Variants in NAALADL2 observed in about 807,000 individuals in gnomAD.
NAALADL2 encodes the protein N-acetylated alpha-linked acidic dipeptidase like 2.
Under a neutral mutation model 87.2 loss-of-function variants are expected in NAALADL2, and 76 were observed. The observed-to-expected ratio is 0.87, with a 90% confidence interval of 0.72 to 1.05. NAALADL2 has a LOEUF of 1.05. Ranked by LOEUF, NAALADL2 falls within the 50% of genes least tolerant of loss-of-function variation. The pLI is 0.00. For missense variants in NAALADL2, 1,089 were observed against 945.8 expected (o/e 1.15, Z -1.99); for synonymous variants, 354 against 331.0 (o/e 1.07, Z -0.75).
intron 5 of NAALADL2, among the ~76,000 whole-genome samples, chr3:175,350,523 G>T (rs888904603): frequency 6.6e-6 from 1 of 152,162 alleles, no homozygotes; most frequent in African/African-American, 2.4e-5. Flanking sequence ...ATTCCAGAAG[G>T]GTAGGGGTGG....
intron 5 of NAALADL2, among the ~76,000 whole-genome samples, chr3:175,386,746 T>C (rs1193689921): frequency 6.6e-6 from 1 of 152,116 alleles, no homozygotes; most frequent in Non-Finnish European, 1.5e-5. Context: ...CTGTTCTGCC[T>C]GAGATGTGAG....
intron 11 of NAALADL2, among the ~76,000 whole-genome samples, chr3:175,729,779 T>G (rs1394757206): frequency 1.1e-5 from 1 of 88,386 alleles, no homozygotes. Context: ...TTTTTTTTTT[T>G]TTTTTCACAT....
intron 1 of NAALADL2, among the ~76,000 whole-genome samples, chr3:175,081,919 G>A (rs1461826678): frequency 6.6e-6 from 1 of 152,134 alleles, no homozygotes; most frequent in African/African-American, 2.4e-5. Flanking sequence ...ATGATTGGGA[G>A]CCATTTGTGG....
intron 11 of NAALADL2, among the ~76,000 whole-genome samples, chr3:175,634,250 T>C (rs1308871238): frequency 1.3e-5 from 2 of 151,948 alleles, no homozygotes; most frequent in African/African-American, 4.8e-5. Context: ...CCTTGGTCTC[T>C]TTGATTAATA....
intron 2 of NAALADL2, among the ~76,000 whole-genome samples, chr3:175,163,614 C>A (rs938103953): frequency 1.3e-5 from 2 of 152,000 alleles, no homozygotes; most frequent in African/African-American, 4.8e-5. Context: ...TTGTCTATTA[C>A]CATAACAACT....
intron 3 of NAALADL2, among the ~76,000 whole-genome samples, chr3:174,808,520 T>C (rs2109283068): frequency 6.6e-6 from 1 of 152,286 alleles, no homozygotes; most frequent in South Asian, 2.1e-4. Context: ...ATCATAGACA[T>C]GGTAAAATGC....
intron 1 of NAALADL2, among the ~76,000 whole-genome samples, chr3:175,033,985 G>A (rs536817043): frequency 1.0e-3 from 154 of 152,206 alleles, no homozygotes; most frequent in Admixed American, 1.8e-3. Flanking sequence ...CACTGTGTAC[G>A]GCCAAACCTA....
chr3:175,232,640 T>C (rs576345684), intron 2 of NAALADL2, among the ~76,000 whole-genome samples: 2 of 152,320 alleles, frequency 1.3e-5, no homozygotes, highest in Non-Finnish European at 2.9e-5. Context: ...TTGGCCCACA[T>C]TCAGAGCTGT....
intron 1 of NAALADL2, among the ~76,000 whole-genome samples, chr3:174,991,262 A>G (rs1746704678): frequency 6.6e-6 from 1 of 152,046 alleles, no homozygotes; most frequent in African/African-American, 2.4e-5. Flanking sequence ...TACAAGAGAC[A>G]ATTTTCCTTG....
intron 1 of NAALADL2, among the ~76,000 whole-genome samples, chr3:174,927,115 C>T (rs1736174164): frequency 6.6e-6 from 1 of 151,656 alleles, no homozygotes; most frequent in African/African-American, 2.4e-5. Flanking sequence ...GACAGAAGGC[C>T]ATTACATAAT....
chr3:174,811,053 A>C (rs991284858), intron 3 of NAALADL2, among the ~76,000 whole-genome samples: 1 of 152,184 alleles, frequency 6.6e-6, no homozygotes, highest in Non-Finnish European at 1.5e-5. Context: ...AGAGTGCAAG[A>C]GTTGAAAATT....
At chr3:175,449,258 G>A (rs2149228904) in intron 6 of NAALADL2, among the ~76,000 whole-genome samples, 1 of 152,016 alleles carries the variant, frequency 6.6e-6, no homozygotes, top group Admixed American at 6.6e-5. Context: ...TTTAAATCTT[G>A]TTGTAGAGAC....
chr3:175,691,473 C>A (rs1025276826), intron 11 of NAALADL2, among the ~76,000 whole-genome samples: 1 of 151,572 alleles, frequency 6.6e-6, no homozygotes, highest in African/African-American at 2.4e-5. Context: ...AATTTGGTAC[C>A]TAAAGATATT....
At chr3:175,463,646 G>A (rs1297348934) in intron 7 of NAALADL2, among the ~76,000 whole-genome samples, 153 bp downstream of exon 7, 1 of 150,460 alleles carries the variant, frequency 6.6e-6, no homozygotes, top group Non-Finnish European at 1.5e-5. Context: ...AAACTAAGAA[G>A]TGGGTCTTCC....
At chr3:175,020,672 A>G (rs1751447186) in intron 1 of NAALADL2, among the ~76,000 whole-genome samples, 1 of 152,094 alleles carries the variant, frequency 6.6e-6, no homozygotes, top group East Asian at 1.9e-4. Context: ...AATATAGACT[A>G]TGTCAAACTG....
intron 6 of NAALADL2, among the ~76,000 whole-genome samples, chr3:175,461,012 C>T (rs909294299): frequency 7.9e-5 from 12 of 152,170 alleles, no homozygotes; most frequent in African/African-American, 2.2e-4. Flanking sequence ...GCTGATTGGT[C>T]CATTTTACAG....
At chr3:175,787,550 A>G (rs559762299) in intron 13 of NAALADL2, among the ~76,000 whole-genome samples, 2 of 152,302 alleles carry the variant, frequency 1.3e-5, no homozygotes, top group Non-Finnish European at 2.9e-5. Context: ...AAGTGAGGCA[A>G]TGCCTCGCCC....
intron 13 of NAALADL2, among the ~76,000 whole-genome samples, chr3:175,799,825 A>G (rs1057483479): frequency 2.0e-5 from 3 of 152,182 alleles, no homozygotes; most frequent in African/African-American, 7.2e-5. Flanking sequence ...ATACATAAAT[A>G]ATCTCTTACT....
intron 13 of NAALADL2, among the ~76,000 whole-genome samples, chr3:175,799,890 G>T (rs1448951381): frequency 1.3e-5 from 2 of 152,058 alleles, no homozygotes; most frequent in African/African-American, 4.8e-5. Context: ...TTAATGTTAA[G>T]AATACTTGGA....
Sources: gnomAD v4.1 joint callset for allele counts (sites outside exome capture counted in the v4.1 genomes callset) on GRCh38, gnomAD v4.1.1 for gene constraint, MANE v1.5 for transcripts, NCBI Gene and HGNC (gene_info 2026-07-23, HGNC 2026-07-21) for gene names.